FILIP1: variants seen among roughly 807,000 people sequenced by gnomAD.
FILIP1 encodes the protein filamin A interacting protein 1, also known as filamin-A-interacting protein 1.
In FILIP1, 61 loss-of-function variants were observed where a neutral mutation model predicts 102.1. The ratio of observed to expected loss-of-function variants is 0.60; its 90% CI spans 0.49 to 0.74. The LOEUF (loss-of-function observed/expected upper bound fraction) is 0.74. Ranked by LOEUF, FILIP1 falls within the 30% of genes least tolerant of loss-of-function variation. The probability of loss-of-function intolerance (pLI) is 0.00; values close to 1 mark genes in which losing one functional copy is unlikely to be tolerated. For synonymous variants in FILIP1, 491 were observed against 526.9 expected, an observed-to-expected ratio of 0.93 and a Z score of 0.93; for missense variants, 1,314 against 1,441.2, an observed-to-expected ratio of 0.91 and a Z score of 1.43.
intron 1 of FILIP1, among the ~76,000 whole-genome samples, chr6:75,456,944 AAG>A (rs1292065721): frequency 7.2e-5 from 11 of 152,190 alleles, no homozygotes; most frequent in African/African-American, 2.7e-4. Flanking sequence ...AAGTTTGTAA[AAG>A]AGAGGAAAAA....
intron 1 of FILIP1, among the ~76,000 whole-genome samples, chr6:75,435,585 T>A (rs377075112): frequency 6.6e-6 from 1 of 152,224 alleles, no homozygotes; most frequent in Non-Finnish European, 1.5e-5. Context: ...CCACCCATGA[T>A]GGGGGACCAA....
chr6:75,407,051 G>A (rs947732252), intron 2 of FILIP1, among the ~76,000 whole-genome samples: 4 of 152,106 alleles, frequency 2.6e-5, no homozygotes, highest in Non-Finnish European at 5.9e-5. Flanking sequence ...CTCTTGGTAA[G>A]AAAGAAGCAC....
At chr6:75,409,711 A>G (rs1010009170) in intron 2 of FILIP1, among the ~76,000 whole-genome samples, 2 of 152,064 alleles carry the variant, frequency 1.3e-5, no homozygotes, top group Non-Finnish European at 2.9e-5. Context: ...GACTTCTCCA[A>G]TTGCTCCTAT....
intron 1 of FILIP1, among the ~76,000 whole-genome samples, chr6:75,441,656 G>A (rs1219280065): frequency 6.8e-6 from 1 of 147,528 alleles, no homozygotes; most frequent in African/African-American, 2.6e-5. Flanking sequence ...GGCCGGGCGG[G>A]GGGCTGACGC....
At chr6:75,372,709 GA>G (rs1562515182) in intron 2 of FILIP1, among the ~76,000 whole-genome samples, 4 of 36,960 alleles carry the variant, frequency 1.1e-4, no homozygotes, top group African/African-American at 5.2e-4. Flanking sequence ...AAGAAAGAAA[GA>G]AAGGAAAGAA....
chr6:75,319,404 T>C, intron 4 of FILIP1: 2 of 624,682 alleles, frequency 3.2e-6, no homozygotes, highest in Non-Finnish European at 3.1e-6. Context: ...CTTGAACTTC[T>C]TTTTTGTCTC....
intron 1 of FILIP1, among the ~76,000 whole-genome samples, chr6:75,486,522 T>C (rs1314755138): frequency 6.6e-6 from 1 of 152,206 alleles, no homozygotes; most frequent in African/African-American, 2.4e-5. Flanking sequence ...TGTCACATTC[T>C]ACATGTTTCA....
At chr6:75,317,710 C>G (rs561982849) in intron 4 of FILIP1, among the ~76,000 whole-genome samples, 13 of 152,246 alleles carry the variant, frequency 8.5e-5, no homozygotes, top group African/African-American at 2.9e-4. Flanking sequence ...TTTTCTAACC[C>G]CATTAGCTTA....
At chr6:75,465,764 T>C (rs116972295) in intron 1 of FILIP1, among the ~76,000 whole-genome samples, 424 of 152,302 alleles carry the variant, frequency 2.8e-3, no homozygotes, top group Middle Eastern at 0.017. Context: ...TAAATTGTGC[T>C]ATAACAAAAA....
intron 1 of FILIP1, among the ~76,000 whole-genome samples, chr6:75,472,840 T>C (rs1293125774): frequency 1.3e-5 from 2 of 152,176 alleles, no homozygotes; most frequent in African/African-American, 2.4e-5. Context: ...ACAACACATA[T>C]ATTAGTCACA....
rs779208708 is a variant in FILIP1, at chr6:75,319,369, G to A, written c.630-4167C>T. ...GAGCAGAACATGAAAAAGGCCGAAG[G>A]AGAGCTCTTGGGTGCCCTGGAGTCC... On this transcript the variant is annotated intron_variant, in intron 4 of 5. Transcript: ENST00000237172. The A allele has an allele frequency of 2.0e-4, 127 of 628,372 alleles. 1 individual carries two copies. Among genetic ancestry groups the A allele is most frequent in the Non-Finnish European group, 3.4e-4 (112 of 328,292 alleles). The allele number at this position is 628,372 out of a possible 1,614,324, so 38.9% of individuals were successfully genotyped here. A position where few individuals can be genotyped will look rare whatever the true frequency, so the allele number is the denominator to read the frequency against.
chr6:75,393,075 G>A (rs962941086), intron 2 of FILIP1, among the ~76,000 whole-genome samples: 12 of 152,158 alleles, frequency 7.9e-5, no homozygotes, highest in African/African-American at 2.7e-4. Flanking sequence ...ATTACACAAA[G>A]CTGCCTAGTT....
intron 2 of FILIP1, among the ~76,000 whole-genome samples, chr6:75,393,758 A>C (rs2149660830): frequency 6.6e-6 from 1 of 152,342 alleles, no homozygotes; most frequent in East Asian, 1.9e-4. Flanking sequence ...ACTAAGCCTG[A>C]GATTCTGCAA....
intron 2 of FILIP1, among the ~76,000 whole-genome samples, chr6:75,402,174 G>A (rs1776681003): frequency 6.6e-6 from 1 of 152,074 alleles, no homozygotes; most frequent in Admixed American, 6.6e-5. Context: ...TCTCACTGCA[G>A]GAAAGCCAAC....
At chr6:75,311,922 AATCTTCTC>A (rs1214884875) in intron 5 of FILIP1, among the ~76,000 whole-genome samples, 4 of 148,760 alleles carry the variant, frequency 2.7e-5, no homozygotes, top group Non-Finnish European at 6.1e-5. Context: ...TTGATATTAA[AATCTTCTC>A]ATCTTATTTT....
chr6:75,331,245 G>A (rs1260602998), intron 4 of FILIP1, among the ~76,000 whole-genome samples: 5 of 152,088 alleles, frequency 3.3e-5, no homozygotes, highest in African/African-American at 1.2e-4. Context: ...TTAAAGTCTA[G>A]GGAATTGTTA....
At chr6:75,383,916 A>G (rs1402400945) in intron 2 of FILIP1, among the ~76,000 whole-genome samples, 2 of 152,154 alleles carry the variant, frequency 1.3e-5, no homozygotes, top group East Asian at 3.8e-4. Flanking sequence ...ATACTTTATA[A>G]ATTCTCCATA....
intron 2 of FILIP1, among the ~76,000 whole-genome samples, chr6:75,377,652 C>T (rs1197470540): frequency 2.0e-5 from 3 of 152,174 alleles, no homozygotes; most frequent in African/African-American, 4.8e-5. Flanking sequence ...TCCCTAGCTC[C>T]TAGCACAATG....
In FILIP1 at chr6:75,478,948, C is replaced by T. The variant is rs141457097; in HGVS notation, c.-7+14466G>A. ...CATTTCTTCCACTTGCTCCTTGGTC[C>T]CTCACCCTCATGATCTAGTCATAAA... On this transcript the variant is annotated intron_variant, in intron 1 of 5. Transcript: ENST00000237172. 2.6e-5 allele frequency among the ~76,000 whole-genome samples: 4 copies of T among 152,158 alleles called. No individual in the cohort carries two copies. In the East Asian group the frequency reaches 7.7e-4, roughly 29 times the overall value.
Sources: gnomAD v4.1 joint callset for allele counts (sites outside exome capture counted in the v4.1 genomes callset) on GRCh38, gnomAD v4.1.1 for gene constraint, MANE v1.5 for transcripts, NCBI Gene and HGNC (gene_info 2026-07-23, HGNC 2026-07-21) for gene names.